ACSL4: variants seen among roughly 807,000 people sequenced by gnomAD.
ACSL4 encodes the protein long-chain-fatty-acid--CoA ligase 4.
ACSL4 carries 9 observed loss-of-function variants against 49.1 expected under a neutral mutation model. That is an observed-to-expected ratio of 0.18 (90% CI 0.11 to 0.32). ACSL4 has a LOEUF of 0.32. Ranked by LOEUF, ACSL4 falls within the 10% of genes least tolerant of loss-of-function variation. The pLI, the probability that ACSL4 is intolerant of heterozygous loss-of-function variation, is 1.00. For synonymous variants in ACSL4, 191 were observed against 170.3 expected, an observed-to-expected ratio of 1.12 and a Z score of -0.95; for missense variants, 333 against 493.7, an observed-to-expected ratio of 0.67 and a Z score of 3.08.
intron 2 of ACSL4, among the ~76,000 whole-genome samples, chrX:109,692,351 T>C (rs1925102228): frequency 8.9e-6 from 1 of 112,125 alleles, no homozygotes; most frequent in East Asian, 2.8e-4. Context: ...AAGATACACT[T>C]GATTTTTAAA....
At chrX:109,683,586 A>C in intron 2 of ACSL4, 1 of 642,539 alleles carries the variant, frequency 1.6e-6, no homozygotes, top group Middle Eastern at 4.8e-4. Context: ...AGCAGTAAGA[A>C]TAGCAGTACA....
intron 1 of ACSL4, among the ~76,000 whole-genome samples, chrX:109,725,533 C>G (rs987567772): frequency 4.5e-5 from 5 of 110,954 alleles, no homozygotes; most frequent in Non-Finnish European, 9.4e-5. Context: ...GAGGCCAAGG[C>G]GGGCGGATCA....
chrX:109,724,997 T>G (rs987400835), intron 1 of ACSL4, among the ~76,000 whole-genome samples: 9 of 110,380 alleles, frequency 8.2e-5, no homozygotes, highest in African/African-American at 3.0e-4. Flanking sequence ...CCTCAAGAGA[T>G]CTGCCTGCCT....
Position 109,717,843 on chromosome X carries a change from T to C in ACSL4, c.-66+15296A>G, listed in dbSNP as rs756651759. 1.7e-4 allele frequency among the ~76,000 whole-genome samples: 15 copies of C among 88,393 alleles called. 3 individuals carry two copies. In the South Asian group the frequency reaches 2.1e-3, roughly 12 times the overall value. The allele number at this position is 88,393 out of a possible 115,157, so 76.8% of individuals were successfully genotyped here. The stretch of plus-strand genomic sequence containing the variant: ...TGGTAGATATCGTGAAAATTATGTA[T>C]ACACCTTTAATTTTTTTTTTTAAGC... On this transcript the variant is annotated intron_variant, in intron 1 of 15. Coordinates refer to ENST00000672401, the MANE Select transcript of ACSL4 (RefSeq NM_001318510.2).
chrX:109,656,971 T>C (rs1271627551), intron 15 of ACSL4, among the ~76,000 whole-genome samples: 1 of 111,665 alleles, frequency 9.0e-6, no homozygotes, highest in African/African-American at 3.3e-5. Flanking sequence ...TCCTGGCATC[T>C]TGCCAATCAT....
In ACSL4 at chrX:109,656,275, T is replaced by C. The variant is rs1051607841; in HGVS notation, c.1855+3079A>G. ...AGTTTAGTGGAAGAGTTAAGAATAG[T>C]ATACAAAAAACTAATGAAGAGAGGA... is the stretch of plus-strand genomic sequence containing the variant. On this transcript the variant is annotated intron_variant, in intron 15 of 15. Coordinates refer to ENST00000672401, the MANE Select transcript of ACSL4 (RefSeq NM_001318510.2). Among the ~76,000 whole-genome samples the C allele has an allele frequency of 3.6e-5, 4 of 110,565 alleles. No homozygotes were observed. In the Admixed American group the frequency reaches 3.9e-4, roughly 11 times the overall value.
At chrX:109,655,641 G>A (rs981604222) in intron 15 of ACSL4, among the ~76,000 whole-genome samples, 2 of 110,664 alleles carry the variant, frequency 1.8e-5, no homozygotes, top group Admixed American at 9.6e-5. Context: ...AGAACTGAAG[G>A]GCAGAGATCT....
At chrX:109,714,898 A>T (rs1034346737) in intron 1 of ACSL4, among the ~76,000 whole-genome samples, 2 of 112,237 alleles carry the variant, frequency 1.8e-5, no homozygotes, top group Non-Finnish European at 1.9e-5. Context: ...TACATGTATT[A>T]AAAACAGCAA....
chrX:109,710,266 G>A (rs1386663103), intron 1 of ACSL4, among the ~76,000 whole-genome samples: 2 of 111,630 alleles, frequency 1.8e-5, no homozygotes, highest in African/African-American at 6.5e-5. Context: ...TAGAGAACAA[G>A]GCAAGAATGT....
chrX:109,687,841 T>C (rs894051058), intron 2 of ACSL4, among the ~76,000 whole-genome samples: 1 of 112,151 alleles, frequency 8.9e-6, no homozygotes, highest in Middle Eastern at 4.6e-3. Flanking sequence ...TTAAATTCCA[T>C]AGGCAATCAT....
At position 109,678,343 on chromosome X, in the gene ACSL4, C is replaced by A; in HGVS notation, c.728G>T (p.Arg243Leu). ...IVMYTSGSTGRPKGVMMHHSN... is the reference protein window; with the variant it reads ...IVMYTSGSTGLPKGVMMHHSN... Reference sequence around the variant, plus strand: ...ATGATGCATCATCACTCCCTTAGGTCGGCCAGTAGAACCACTAGTATACAT... The same window carrying A: ...ATGATGCATCATCACTCCCTTAGGTAGGCCAGTAGAACCACTAGTATACAT... Residue 243 changes from arginine to leucine, a missense_variant, in exon 7 of 16, where the codon CGA becomes CTA. Transcript: ENST00000672401. 8.3e-7 allele frequency: 1 copy of A among 1,211,595 alleles called. No individual in the cohort carries two copies. The highest frequency in any genetic ancestry group is 1.1e-6 in the Non-Finnish European group (1 of 895,410).
intron 1 of ACSL4, among the ~76,000 whole-genome samples, chrX:109,719,475 A>G (rs1295650827): frequency 1.8e-5 from 2 of 112,136 alleles, no homozygotes; most frequent in East Asian, 2.8e-4. Context: ...AAAATCATCA[A>G]TCATTCAGTT....
At chrX:109,732,781 C>T (rs1179312847) in intron 1 of ACSL4, among the ~76,000 whole-genome samples, 1 of 111,555 alleles carries the variant, frequency 9.0e-6, no homozygotes, top group East Asian at 2.8e-4. Context: ...CTAGCAAGCA[C>T]TTCATGGTCT....
At chrX:109,650,368 T>A in intron 15 of ACSL4, among the ~76,000 whole-genome samples, 1 of 108,567 alleles carries the variant, frequency 9.2e-6, no homozygotes, top group Middle Eastern at 4.2e-3. Context: ...TGAGTTCATG[T>A]CCTTTGTAGG....
At chrX:109,708,385 T>C (rs939727713) in intron 1 of ACSL4, among the ~76,000 whole-genome samples, 6 of 112,490 alleles carry the variant, frequency 5.3e-5, no homozygotes, top group Non-Finnish European at 5.6e-5. Flanking sequence ...TGTCTATGTA[T>C]TGATAGTAAC....
intron 1 of ACSL4, among the ~76,000 whole-genome samples, chrX:109,725,247 ATTT>A (rs34867628): frequency 1.4e-4 from 12 of 84,154 alleles, no homozygotes; most frequent in Admixed American, 1.3e-4. Flanking sequence ...ACACCCAGCT[ATTT>A]TTTTTTTTTT....
At chrX:109,696,061 G>A (rs1003104557) in intron 2 of ACSL4, 83 bp downstream of exon 2, 4 of 112,302 alleles carry the variant, frequency 3.6e-5, no homozygotes, top group African/African-American at 1.3e-4. Context: ...AAAGGGTCAA[G>A]ATGCCTGTTA....
At chrX:109,695,110 G>T (rs570061516) in intron 2 of ACSL4, among the ~76,000 whole-genome samples, 3 of 110,995 alleles carry the variant, frequency 2.7e-5, no homozygotes, top group South Asian at 7.8e-4. Flanking sequence ...ACTTTGGGAG[G>T]CCAAGGTGGG....
chrX:109,717,558 T>C (rs1298696621), intron 1 of ACSL4, among the ~76,000 whole-genome samples: 1 of 111,465 alleles, frequency 9.0e-6, no homozygotes, highest in African/African-American at 3.3e-5. Flanking sequence ...CCCCATCTTA[T>C]GGTTTTCAGG....
Sources: gnomAD v4.1 joint callset for allele counts (sites outside exome capture counted in the v4.1 genomes callset) on GRCh38, gnomAD v4.1.1 for gene constraint, MANE v1.5 for transcripts, NCBI Gene and HGNC (gene_info 2026-07-23, HGNC 2026-07-21) for gene names.